Variants in TOPAZ1 observed in about 807,000 individuals in gnomAD.
TOPAZ1 encodes the protein testis and ovary specific TOPAZ 1.
A neutral mutation model predicts 172.2 loss-of-function variants in TOPAZ1; 66 were observed. That is an observed-to-expected ratio of 0.38 (90% CI 0.31 to 0.47). The LOEUF (loss-of-function observed/expected upper bound fraction) is 0.47, where lower values mean the gene tolerates loss of function less well. Among genes scored for constraint, TOPAZ1 ranks in the 20% least tolerant of loss-of-function variants. TOPAZ1 has a pLI of 0.99. For synonymous variants in TOPAZ1, 681 were observed against 683.9 expected, an observed-to-expected ratio of 1.00 and a Z score of 0.07; for missense variants, 1,822 against 1,972.4, an observed-to-expected ratio of 0.92 and a Z score of 1.44.
intron 4 of TOPAZ1, among the ~76,000 whole-genome samples, 198 bp downstream of exon 4, chr3:44,256,476 A>G (rs1197529356): frequency 1.3e-5 from 2 of 152,196 alleles, no homozygotes; most frequent in East Asian, 1.9e-4. Context: ...TGCCTGGGAA[A>G]ATGGGATGTA....
intron 4 of TOPAZ1, among the ~76,000 whole-genome samples, chr3:44,257,993 A>T (rs533333691): frequency 2.9e-4 from 44 of 152,296 alleles, no homozygotes; most frequent in Admixed American, 2.4e-3. Context: ...TTCTAAAAAA[A>T]AACAGCTTTA....
At chr3:44,328,148 G>A in intron 18 of TOPAZ1, 102 bp from the exon 19 acceptor site, 1 of 653,834 alleles carries the variant, frequency 1.5e-6, no homozygotes. Context: ...CTAATGTGAA[G>A]ACTTATTCTG....
chr3:44,315,200 C>CGTGTGTGT (rs71089096), intron 16 of TOPAZ1, among the ~76,000 whole-genome samples: 1 of 150,096 alleles, frequency 6.7e-6, no homozygotes, highest in Non-Finnish European at 1.5e-5. Flanking sequence ...TTTGAAAGAA[C>CGTGTGTGT]GTGTGTGTGT....
intron 12 of TOPAZ1, among the ~76,000 whole-genome samples, chr3:44,303,243 A>C (rs1051968740): frequency 1.3e-5 from 2 of 152,154 alleles, no homozygotes; most frequent in African/African-American, 4.8e-5. Flanking sequence ...TTAATGCTCT[A>C]GATGAATTAC....
rs1553649736 is a variant in TOPAZ1 at position 44,296,860 on chromosome 3, A to AAAAG, written c.3797+5977_3797+5978insGAAA. On this transcript the variant is annotated intron_variant, in intron 12 of 19. Transcript: ENST00000309765. ...CACAGAGAATACCAAAAAAAAAAAA[A>AAAAG]AAAAGAAAAAAAAAAGAAAAGCAAA... Among the ~76,000 whole-genome samples the AAAAG allele has an allele frequency of 9.6e-3, 832 of 86,734 alleles. 4 individuals carry two copies. Among genetic ancestry groups the AAAAG allele is most frequent in the East Asian group, 0.045 (138 of 3,068 alleles). 56.9% of individuals were successfully genotyped at this position (86,734 alleles called of 152,430 possible). A position where few individuals can be genotyped will look rare whatever the true frequency, so the allele number is the denominator to read the frequency against.
intron 12 of TOPAZ1, among the ~76,000 whole-genome samples, chr3:44,292,016 G>A (rs1700143469): frequency 6.6e-6 from 1 of 152,152 alleles, no homozygotes; most frequent in Non-Finnish European, 1.5e-5. Flanking sequence ...TGTCTGACAG[G>A]TGTCAGCCTT....
Position 44,305,128 on chromosome 3 carries a change from T to C in TOPAZ1, c.3865-19T>C. 2 of 1,466,674 alleles carry C rather than the reference T, an allele frequency of 1.4e-6. No homozygotes were observed. Among genetic ancestry groups the C allele is most frequent in the South Asian group, 1.4e-5 (1 of 73,914 alleles). The allele number at this position is 1,466,674 out of a possible 1,614,324, so 90.9% of individuals were successfully genotyped here. A position where few individuals can be genotyped will look rare whatever the true frequency, so the allele number is the denominator to read the frequency against. On this transcript the variant is annotated intron_variant, in intron 13 of 19. Transcript: ENST00000309765. The stretch of plus-strand genomic sequence containing the variant: ...TTCATTCTTTTTCTTTTTTGTTTTG[T>C]TTTTAATAATTTTGATAGCATTGTA...
rs774880769 is a variant in TOPAZ1, at chr3:44,306,430, CTTCA to C, written c.4140+7_4140+10del. 1.3e-6 allele frequency: 2 copies of C among 1,509,792 alleles called. No individual in the cohort carries two copies. Among genetic ancestry groups the C allele is most frequent in the Non-Finnish European group, 1.8e-6 (2 of 1,116,376 alleles). The allele number at this position is 1,509,792 out of a possible 1,614,324, so 93.5% of individuals were successfully genotyped here. A position where few individuals can be genotyped will look rare whatever the true frequency, so the allele number is the denominator to read the frequency against. On this transcript the variant is annotated splice_donor_5th_base_variant and intron_variant, in intron 15 of 19. Coordinates refer to ENST00000309765, the MANE Select transcript of TOPAZ1 (RefSeq NM_001145030.2). ...CAAGCTGTTGCAGTGGTCCAAGGTA[CTTCA>C]TTAAGTTTTTGTCTTGGCTTGGTAT...
intron 18 of TOPAZ1, among the ~76,000 whole-genome samples, chr3:44,327,119 TCTA>T (rs775842485): frequency 1.3e-5 from 2 of 152,144 alleles, no homozygotes; most frequent in African/African-American, 2.4e-5. Context: ...AAGCCCCTCG[TCTA>T]TAACATGGAA....
At position 44,280,276 on chromosome 3, in the gene TOPAZ1, CCTTTCCTTTCCTTTT is replaced by C. The variant is rs199584741; in HGVS notation, c.3373-1677_3373-1663del. Among the ~76,000 whole-genome samples the C allele has an allele frequency of 8.4e-3, 1,237 of 146,994 alleles. 19 individuals are homozygous for C. The highest frequency in any genetic ancestry group is 9.7e-3 in the Non-Finnish European group (645 of 66,686). ...TAAGTGACTAGATGCTTTTTTTTTT[CCTTTCCTTTCCTTTT>C]CTTTCCTTTCCTTTCTTTTTTTTCC... On this transcript the variant is annotated intron_variant, in intron 8 of 19. Transcript: ENST00000309765.
intron 18 of TOPAZ1, 25 bp from the exon 19 acceptor site, chr3:44,328,225 T>C (rs746802197): frequency 9.0e-6 from 13 of 1,440,062 alleles, no homozygotes; most frequent in Non-Finnish European, 1.1e-5. Context: ...TTTAGTAAAG[T>C]TTGACCTATT....
In TOPAZ1 at chr3:44,278,083, C is replaced by T. The variant is rs1435874520; in HGVS notation, c.3373-3885C>T. Among the ~76,000 whole-genome samples the T allele has an allele frequency of 5.9e-5, 9 of 152,206 alleles. No individual in the cohort carries two copies. The East Asian group carries it at 9.7e-4, about 16-fold the overall frequency. ...TTGCCTAGTTTATTGAGATTTTTAT[C>T]ATGAAGGGATATTGAATTTTATTAA... On this transcript the variant is annotated intron_variant, in intron 8 of 19. Transcript: ENST00000309765.
chr3:44,329,013 A>G (rs1223964186), intron 19 of TOPAZ1, among the ~76,000 whole-genome samples: 1 of 152,164 alleles, frequency 6.6e-6, no homozygotes, highest in Non-Finnish European at 1.5e-5. Context: ...ATTTCTTGTC[A>G]GCTTTATCCA....
intron 6 of TOPAZ1, among the ~76,000 whole-genome samples, chr3:44,268,690 A>G (rs1418375478): frequency 6.6e-6 from 1 of 151,958 alleles, no homozygotes; most frequent in Non-Finnish European, 1.5e-5. Flanking sequence ...ACTGGTGCCT[A>G]TTCATATAAG....
chr3:44,317,348 G>A (rs1328442325), intron 16 of TOPAZ1, among the ~76,000 whole-genome samples: 1 of 152,134 alleles, frequency 6.6e-6, no homozygotes, highest in Non-Finnish European at 1.5e-5. Context: ...TTAAACCCGG[G>A]AAGCAGAGGT....
intron 16 of TOPAZ1, among the ~76,000 whole-genome samples, chr3:44,318,142 G>T (rs1700470363): frequency 1.9e-5 from 1 of 52,982 alleles, no homozygotes; most frequent in African/African-American, 7.2e-5. Context: ...AAGGGGAGAA[G>T]GGCTGGGGGC....
At chr3:44,308,207 G>A (rs961967407) in intron 15 of TOPAZ1, among the ~76,000 whole-genome samples, 6 of 152,154 alleles carry the variant, frequency 3.9e-5, no homozygotes, top group South Asian at 2.1e-4. Context: ...GCAGTGAGCC[G>A]AGATTGCACC....
At chr3:44,258,371 G>A (rs373610039) in intron 4 of TOPAZ1, among the ~76,000 whole-genome samples, 9 of 152,100 alleles carry the variant, frequency 5.9e-5, no homozygotes, top group Non-Finnish European at 1.0e-4. Flanking sequence ...GCATTAATAC[G>A]ATCAAGATAT....
chr3:44,264,236 A>C (rs1023649516), intron 5 of TOPAZ1, among the ~76,000 whole-genome samples: 1 of 152,176 alleles, frequency 6.6e-6, no homozygotes, highest in African/African-American at 2.4e-5. Context: ...GGAACAACCT[A>C]TTGGAGATGC....
Sources: allele counts gnomAD v4.1 joint callset (sites outside exome capture counted in the v4.1 genomes callset), GRCh38; gene constraint gnomAD v4.1.1; transcripts MANE v1.5; gene names NCBI Gene and HGNC (gene_info 2026-07-23, HGNC 2026-07-21).